VKORC1L1: variants seen among roughly 807,000 people sequenced by gnomAD.
The protein encoded by VKORC1L1 is vitamin K epoxide reductase complex subunit 1L1.
Under a neutral mutation model 18.9 loss-of-function variants are expected in VKORC1L1, and 2 were observed. That is an observed-to-expected ratio of 0.11 (90% confidence interval 0.04 to 0.33). The LOEUF is 0.33. VKORC1L1 is among the 10% of genes least tolerant of loss of function. The pLI, the probability that VKORC1L1 is intolerant of heterozygous loss-of-function variation, is 1.00. For synonymous variants in VKORC1L1, 96 were observed against 100.0 expected, an observed-to-expected ratio of 0.96 and a Z score of 0.24; for missense variants, 123 against 224.1, an observed-to-expected ratio of 0.55 and a Z score of 2.88.
At position 65,958,973 on chromosome 7, in the gene VKORC1L1, C is replaced by G. The variant is rs1488414855; in HGVS notation, c.*4673C>G. 1 of 152,210 alleles carries G rather than the reference C, an allele frequency of 6.6e-6. No homozygotes were observed. The highest frequency in any genetic ancestry group is 1.5e-5 in the Non-Finnish European group (1 of 68,048). 9.4% of individuals were successfully genotyped at this position (152,210 alleles called of 1,614,324 possible). A position where few individuals can be genotyped will look rare whatever the true frequency, so the allele number is the denominator to read the frequency against. On this transcript the variant is annotated 3_prime_UTR_variant, in exon 3 of 3. Coordinates refer to ENST00000360768, the MANE Select transcript of VKORC1L1 (RefSeq NM_173517.6). ...CTGAGCCATACTTCACGGAATAGAA[C>G]AAGTGTGTTCTGTGCTGGAGCTCAA...
intron 1 of VKORC1L1, among the ~76,000 whole-genome samples, chr7:65,914,693 G>C (rs1370319763): frequency 6.6e-6 from 1 of 152,056 alleles, no homozygotes; most frequent in East Asian, 1.9e-4. Context: ...GAATTCTCTT[G>C]TTTGCATCTA....
intron 1 of VKORC1L1, among the ~76,000 whole-genome samples, chr7:65,916,494 T>C (rs1442735814): frequency 6.6e-6 from 1 of 152,124 alleles, no homozygotes; most frequent in Admixed American, 6.6e-5. Flanking sequence ...AAACTAGCCA[T>C]TTCTCTGAGC....
chr7:65,894,832 G>T (rs1373718018), intron 1 of VKORC1L1, among the ~76,000 whole-genome samples: 1 of 152,214 alleles, frequency 6.6e-6, no homozygotes, highest in Non-Finnish European at 1.5e-5. Flanking sequence ...GATCACTTGA[G>T]CCCAGGAGTT....
At chr7:65,949,459 A>G (rs530919666) in intron 2 of VKORC1L1, among the ~76,000 whole-genome samples, 1 of 149,752 alleles carries the variant, frequency 6.7e-6, no homozygotes, top group South Asian at 2.1e-4. Flanking sequence ...AGCCTGGGCA[A>G]CAAGAGCGAA....
rs151261801 is a variant in VKORC1L1 at position 65,915,253 on chromosome 7, G to A, written c.195-33418G>A. On this transcript the variant is annotated intron_variant, in intron 1 of 2. Coordinates refer to ENST00000360768, the MANE Select transcript of VKORC1L1 (RefSeq NM_173517.6). ...ACTACAGGCCTCTGCCGCCATGCCT[G>A]GCTAATTTTTTGTAGTTTTAGTAGA... Among the ~76,000 whole-genome samples the A allele has an allele frequency of 9.4e-3, 1,382 of 147,388 alleles. 22 individuals carry two copies. Among genetic ancestry groups the A allele is most frequent in the African/African-American group, 0.031 (1,245 of 40,016 alleles).
chr7:65,895,814 T>C (rs1174840849), intron 1 of VKORC1L1, among the ~76,000 whole-genome samples: 1 of 150,562 alleles, frequency 6.6e-6, no homozygotes, highest in Non-Finnish European at 1.5e-5. Context: ...GTGATGAAAA[T>C]AGTGAATTCC....
chr7:65,894,368 T>G (rs1583830127), intron 1 of VKORC1L1, among the ~76,000 whole-genome samples: 1 of 152,322 alleles, frequency 6.6e-6, no homozygotes, highest in East Asian at 1.9e-4. Context: ...CTTTAATTTT[T>G]TTCTCAATTT....
In VKORC1L1 at chr7:65,875,532, C is replaced by G. The variant is rs562184073; in HGVS notation, c.194+1967C>G. On this transcript the variant is annotated intron_variant, in intron 1 of 2. Transcript: ENST00000360768. ...TCCCGGGTTCACTCCATTCTCCTGC[C>G]TCAGCCTCCTGAGTAGCTGGGACTA... 1.9e-3 allele frequency among the ~76,000 whole-genome samples: 285 copies of G among 152,184 alleles called. 3 individuals are homozygous for G. Among genetic ancestry groups the G allele is most frequent in the African/African-American group, 6.7e-3 (278 of 41,526 alleles).
chr7:65,879,408 G>C (rs1307709316), intron 1 of VKORC1L1, among the ~76,000 whole-genome samples: 1 of 152,184 alleles, frequency 6.6e-6, no homozygotes, highest in East Asian at 1.9e-4. Context: ...GACTGTAGTA[G>C]AGATAAATGT....
At chr7:65,886,839 G>GGTTTTTT (rs1237860894) in intron 1 of VKORC1L1, among the ~76,000 whole-genome samples, 1 of 58,626 alleles carries the variant, frequency 1.7e-5, no homozygotes, top group African/African-American at 5.8e-5. Context: ...GCCTGTCCGA[G>GGTTTTTT]TTTTTTTTTT....
At chr7:65,869,626 A>T (rs1583813129), upstream of VKORC1L1, among the ~76,000 whole-genome samples, 1 of 150,920 alleles carries the variant, frequency 6.6e-6, no homozygotes, top group Admixed American at 6.7e-5. Flanking sequence ...CAGAGGGCAA[A>T]ACACGATTTC....
chr7:65,873,119 C>A lies in VKORC1L1; in HGVS notation c.-253C>A. 4.2e-6 allele frequency: 1 copy of A among 237,212 alleles called. No individual in the cohort carries two copies. Among genetic ancestry groups the A allele is most frequent in the Non-Finnish European group, 6.8e-6 (1 of 146,402 alleles). The allele number at this position is 237,212 out of a possible 1,614,324, so 14.7% of individuals were successfully genotyped here. ...GCCTCTTCGGCCGTTGCGCACTCCA[C>A]CCCCTCCCTCCGCGCCCGCGCGCGC... On this transcript the variant is annotated 5_prime_UTR_variant, in exon 1 of 3. Transcript: ENST00000360768.
intron 1 of VKORC1L1, among the ~76,000 whole-genome samples, chr7:65,900,675 C>T (rs1789300317): frequency 6.6e-6 from 1 of 151,416 alleles, no homozygotes; most frequent in Non-Finnish European, 1.5e-5. Context: ...TGTTGTGGCA[C>T]ATGCCTGTAG....
chr7:65,871,217 A>G (rs545393042), upstream of VKORC1L1, among the ~76,000 whole-genome samples: 1 of 145,596 alleles, frequency 6.9e-6, no homozygotes, highest in Admixed American at 6.9e-5. Flanking sequence ...TTTTTTTGAG[A>G]TGGAGTTTTT....
chr7:65,909,880 G>A (rs1180216896), intron 1 of VKORC1L1, among the ~76,000 whole-genome samples: 2 of 151,932 alleles, frequency 1.3e-5, no homozygotes, highest in Non-Finnish European at 2.9e-5. Context: ...ACCATGCCCG[G>A]CTAATTTTTG....
intron 1 of VKORC1L1, among the ~76,000 whole-genome samples, chr7:65,873,912 C>T (rs893290569): frequency 1.3e-5 from 2 of 152,012 alleles, no homozygotes; most frequent in African/African-American, 4.8e-5. Flanking sequence ...TGGGTCCAGG[C>T]TGGCTTGACA....
Position 65,954,325 on chromosome 7 carries a change from G to A in VKORC1L1, c.*25G>A. On this transcript the variant is annotated 3_prime_UTR_variant, in exon 3 of 3. Transcript: ENST00000360768. Reference sequence around the variant, plus strand: ...ACGCCCGACAGACTCCACCCTAACAGTCTCAAGCCCCTTTCCATTCAGTTT... The same window carrying A: ...ACGCCCGACAGACTCCACCCTAACAATCTCAAGCCCCTTTCCATTCAGTTT... 1.2e-6 allele frequency: 2 copies of A among 1,613,338 alleles called. No individual in the cohort carries two copies. The highest frequency in any genetic ancestry group is 1.7e-6 in the Non-Finnish European group (2 of 1,179,828).
chr7:65,950,219 C>T lies in VKORC1L1; in HGVS notation c.304+1439C>T, dbSNP rs1790190465. Among the ~76,000 whole-genome samples the T allele has an allele frequency of 2.0e-5, 3 of 151,964 alleles. No individual in the cohort carries two copies. The South Asian group carries it at 6.2e-4, about 31-fold the overall frequency. ...CCCATTTAGCATTTAGTTATTGGAT[C>T]CCGATACTAGTACATTTTTATATGT... is the stretch of plus-strand genomic sequence containing the variant. On this transcript the variant is annotated intron_variant, in intron 2 of 2. Transcript: ENST00000360768.
intron 1 of VKORC1L1, among the ~76,000 whole-genome samples, chr7:65,914,349 G>A (rs751402429): frequency 1.4e-4 from 22 of 152,096 alleles, no homozygotes; most frequent in Non-Finnish European, 2.5e-4. Flanking sequence ...TGGTCCTCCC[G>A]CCTTGGCCTC....
Sources: gnomAD v4.1 joint callset for allele counts (sites outside exome capture counted in the v4.1 genomes callset) on GRCh38, gnomAD v4.1.1 for gene constraint, MANE v1.5 for transcripts, NCBI Gene and HGNC (gene_info 2026-07-23, HGNC 2026-07-21) for gene names.